The following GNB4 variants were observed in gnomAD, a reference collection of about 807,000 sequenced individuals.
GNB4 encodes the protein G protein subunit beta 4.
A neutral mutation model predicts 45.2 loss-of-function variants in GNB4; 28 were observed. The ratio of observed to expected loss-of-function variants is 0.62; its 90% CI spans 0.46 to 0.85. GNB4 has a LOEUF of 0.85. GNB4 is among the 40% of genes least tolerant of loss of function. GNB4 has a pLI of 0.00. For missense variants in GNB4, 321 were observed against 425.4 expected, an observed-to-expected ratio of 0.75 and a Z score of 2.16; for synonymous variants, 132 against 143.7, an observed-to-expected ratio of 0.92 and a Z score of 0.58.
chr3:179,522,287 G>A, the GNB4 span, among the ~76,000 whole-genome samples: 131 of 145,290 alleles, frequency 9.0e-4, no homozygotes, highest in Middle Eastern at 3.4e-3. Flanking sequence ...GTGAACCCCC[G>A]CCCCTGCCCA....
At chr3:179,499,114 A>G in the GNB4 span, among the ~76,000 whole-genome samples, 1 of 150,282 alleles carries the variant, frequency 6.7e-6, no homozygotes, top group Non-Finnish European at 1.5e-5. Flanking sequence ...TTATGGCTGC[A>G]TAGTATTCCA....
chr3:179,407,480 A>G (rs950642974), intron 8 of GNB4, among the ~76,000 whole-genome samples: 1 of 152,170 alleles, frequency 6.6e-6, no homozygotes, highest in African/African-American at 2.4e-5. Context: ...AAATAAATAA[A>G]TAAGATCATT....
chr3:179,417,387 C>T (rs950336915), intron 4 of GNB4, among the ~76,000 whole-genome samples: 2 of 150,150 alleles, frequency 1.3e-5, no homozygotes, highest in Non-Finnish European at 3.0e-5. Flanking sequence ...ATTTTAGCCA[C>T]TAAATTTTTT....
the GNB4 span, among the ~76,000 whole-genome samples, chr3:179,527,609 A>G: frequency 2.0e-5 from 3 of 152,236 alleles, no homozygotes; most frequent in East Asian, 5.8e-4. Context: ...TTACAAAGTT[A>G]AATAGGTTTC....
At chr3:179,474,468 C>T in the GNB4 span, among the ~76,000 whole-genome samples, 1 of 152,196 alleles carries the variant, frequency 6.6e-6, no homozygotes, top group Non-Finnish European at 1.5e-5. Flanking sequence ...GAGTGATCTG[C>T]CTGCCTTGGC....
At chr3:179,407,626 AAGTCCACAGCAGCTAG>A (rs1714510444) in intron 8 of GNB4, among the ~76,000 whole-genome samples, 4 of 152,174 alleles carry the variant, frequency 2.6e-5, no homozygotes, top group Non-Finnish European at 5.9e-5. Flanking sequence ...GGAATCCAAG[AAGTCCACAGCAGCTAG>A]AGTTCACAGA....
chr3:179,500,716 G>A, the GNB4 span, among the ~76,000 whole-genome samples: 8 of 152,172 alleles, frequency 5.3e-5, no homozygotes, highest in Non-Finnish European at 1.0e-4. Flanking sequence ...TATCCATGAG[G>A]ATGGAATGTT....
chr3:179,403,031 T>C (rs1714349629), intron 9 of GNB4, among the ~76,000 whole-genome samples: 1 of 152,138 alleles, frequency 6.6e-6, no homozygotes, highest in Non-Finnish European at 1.5e-5. Flanking sequence ...GTCCCTCAGG[T>C]TTTCTCTTGA....
chr3:179,491,446 G>T, the GNB4 span, among the ~76,000 whole-genome samples: 3 of 152,186 alleles, frequency 2.0e-5, no homozygotes, highest in Non-Finnish European at 4.4e-5. Context: ...AAACCTAGGG[G>T]AGTAGAGAAG....
intron 1 of GNB4, among the ~76,000 whole-genome samples, chr3:179,438,762 C>T (rs923946125): frequency 2.6e-5 from 4 of 152,158 alleles, no homozygotes; most frequent in Non-Finnish European, 5.9e-5. Flanking sequence ...TGCACCAGGA[C>T]TCTCCTATTG....
intron 1 of GNB4, among the ~76,000 whole-genome samples, chr3:179,432,578 G>C (rs1303218394): frequency 1.3e-5 from 2 of 152,222 alleles, no homozygotes; most frequent in Non-Finnish European, 2.9e-5. Flanking sequence ...GCAAGTCCTA[G>C]TAAATATGTT....
the GNB4 span, among the ~76,000 whole-genome samples, chr3:179,509,611 T>C: frequency 6.6e-6 from 1 of 151,222 alleles, no homozygotes; most frequent in Non-Finnish European, 1.5e-5. Flanking sequence ...TGCAGTGTTA[T>C]AGACCCTTGG....
chr3:179,486,562 G>A, the GNB4 span, among the ~76,000 whole-genome samples: 1 of 152,138 alleles, frequency 6.6e-6, no homozygotes, highest in South Asian at 2.1e-4. Context: ...ATCTCTTATA[G>A]TAAACCAATG....
upstream of GNB4, among the ~76,000 whole-genome samples, chr3:179,455,092 C>A (rs1715958759): frequency 6.6e-6 from 1 of 152,152 alleles, no homozygotes; most frequent in African/African-American, 2.4e-5. Flanking sequence ...ACTGGTGGTA[C>A]AAATCAGTTA....
intron 1 of GNB4, among the ~76,000 whole-genome samples, chr3:179,435,470 CAAAAAAAAA>C (rs11389978): frequency 2.1e-5 from 2 of 96,036 alleles, no homozygotes; most frequent in South Asian, 3.6e-4. Flanking sequence ...CTTTCTTTTA[CAAAAAAAAA>C]AAAAAAAAAA....
intron 1 of GNB4, among the ~76,000 whole-genome samples, chr3:179,428,960 G>A (rs907784819): frequency 2.0e-5 from 3 of 152,156 alleles, no homozygotes; most frequent in Non-Finnish European, 4.4e-5. Flanking sequence ...CCCTAAGGAT[G>A]GAGGTACCAT....
the GNB4 span, among the ~76,000 whole-genome samples, chr3:179,472,356 C>A: frequency 1.5e-5 from 2 of 137,612 alleles, no homozygotes; most frequent in Admixed American, 7.8e-5. Context: ...CCTTTCCTTT[C>A]CTTTTCTTTC....
At chr3:179,429,124 G>A (rs1296292788) in intron 1 of GNB4, among the ~76,000 whole-genome samples, 1 of 152,226 alleles carries the variant, frequency 6.6e-6, no homozygotes, top group Non-Finnish European at 1.5e-5. Context: ...AGTCCCTAGT[G>A]GCTGTTACTT....
chr3:179,396,454 TGAAAA>T lies in GNB4; in HGVS notation c.*4754_*4758del, dbSNP rs1714116465. 6.6e-6 allele frequency: 1 copy of T among 152,162 alleles called. No individual in the cohort carries two copies. Among genetic ancestry groups the T allele is most frequent in the Non-Finnish European group, 1.5e-5 (1 of 68,026 alleles). 9.4% of individuals were successfully genotyped at this position (152,162 alleles called of 1,614,324 possible). On this transcript the variant is annotated 3_prime_UTR_variant, in exon 10 of 10. Coordinates refer to ENST00000232564, the MANE Select transcript of GNB4 (RefSeq NM_021629.4). ...AAATGCAAGTGTTCAGATGCTTCTT[TGAAAA>T]GAAAACAATAGGATAGAGCACCATT...
Sources: gnomAD v4.1 joint callset for allele counts (sites outside exome capture counted in the v4.1 genomes callset) on GRCh38, gnomAD v4.1.1 for gene constraint, MANE v1.5 for transcripts, NCBI Gene and HGNC (gene_info 2026-07-23, HGNC 2026-07-21) for gene names.